Variants in TNFRSF8 observed in about 807,000 individuals in gnomAD.
The protein encoded by TNFRSF8 is tumor necrosis factor receptor superfamily member 8.
Under a neutral mutation model 70.8 loss-of-function variants are expected in TNFRSF8, and 26 were observed. That is an observed-to-expected ratio of 0.37 (90% confidence interval 0.27 to 0.51). TNFRSF8 has a LOEUF of 0.51. TNFRSF8 is among the 20% of genes least tolerant of loss of function. The pLI is 0.94. For synonymous variants in TNFRSF8, 356 were observed against 339.2 expected (o/e 1.05, Z -0.54); for missense variants, 720 against 807.9 (o/e 0.89, Z 1.32).
At chr1:12,072,338 T>C (rs938567415) in intron 1 of TNFRSF8, among the ~76,000 whole-genome samples, 3 of 151,868 alleles carry the variant, frequency 2.0e-5, no homozygotes, top group Non-Finnish European at 4.4e-5. Flanking sequence ...GGGGGCAGTG[T>C]GGGAAGGGGA....
At chr1:12,098,007 A>G (rs1641359885) in intron 3 of TNFRSF8, among the ~76,000 whole-genome samples, 1 of 152,108 alleles carries the variant, frequency 6.6e-6, no homozygotes, top group Admixed American at 6.5e-5. Context: ...TTGTTCATCT[A>G]TTAGATTTTC....
At chr1:12,074,370 C>G (rs1640901138) in intron 1 of TNFRSF8, among the ~76,000 whole-genome samples, 1 of 151,958 alleles carries the variant, frequency 6.6e-6, no homozygotes, top group Non-Finnish European at 1.5e-5. Context: ...ACCTCCGCCT[C>G]CCGGCTTCAA....
At chr1:12,096,987 CG>C in intron 2 of TNFRSF8, 113 bp from the exon 3 acceptor site, 2 of 731,068 alleles carry the variant, frequency 2.7e-6, no homozygotes, top group Non-Finnish European at 4.7e-6. Flanking sequence ...TGACAGTTTT[CG>C]GGGGTTGGAG....
intron 3 of TNFRSF8, among the ~76,000 whole-genome samples, chr1:12,097,685 C>T (rs1641352771): frequency 6.7e-6 from 1 of 148,718 alleles, no homozygotes; most frequent in Non-Finnish European, 1.5e-5. Flanking sequence ...TTGTTAGTCT[C>T]TTATTATGGT....
intron 10 of TNFRSF8, 73 bp downstream of exon 10, chr1:12,123,900 C>T: frequency 7.6e-7 from 1 of 1,308,798 alleles, no homozygotes; most frequent in Non-Finnish European, 1.1e-6. Context: ...TTGGGGGAGC[C>T]AGGAGGGAGC....
In TNFRSF8 at chr1:12,123,817, T is replaced by C. The variant is rs1641880247; in HGVS notation, c.1143T>C (p.Val381=). 6.4e-7 allele frequency: 1 copy of C among 1,566,362 alleles called. No homozygotes were observed. Among genetic ancestry groups the C allele is most frequent in the Non-Finnish European group, 8.7e-7 (1 of 1,154,942 alleles). The part of the protein sequence containing the change: ...PVALSSTGKP[V]LDAGPVLFWV... ...CTCTCTCCTCCACGGGGAAGCCCGT[T>C]CTGGATGCAGGTAATGGTCCCAGCC... Residue 381 remains valine, a synonymous_variant, in exon 10 of 15, where the codon GTT becomes GTC. Coordinates refer to ENST00000263932, the MANE Select transcript of TNFRSF8 (RefSeq NM_001243.5).
At chr1:12,111,506 G>C (rs933029387) in intron 6 of TNFRSF8, among the ~76,000 whole-genome samples, 12 of 152,072 alleles carry the variant, frequency 7.9e-5, no homozygotes, top group African/African-American at 2.2e-4. Context: ...AAAGAGGGAG[G>C]CAGGAGGCAC....
Position 12,097,159 on chromosome 1 carries a change from G to A in TNFRSF8, c.210G>A (p.Glu70=). ...QRPTDCRKQC[E]PDYYLDEADR... is the part of the protein sequence containing the mutation. ...CTACTGACTGCAGGAAGCAGTGTGA[G>A]CCTGACTACTACCTGGATGAGGCCG... is the stretch of plus-strand genomic sequence containing the variant. Residue 70 remains glutamate (E), a synonymous_variant, in exon 3 of 15, where the codon GAG becomes GAA. Coordinates refer to ENST00000263932, the MANE Select transcript of TNFRSF8 (RefSeq NM_001243.5). The A allele has an allele frequency of 6.2e-7, 1 of 1,614,140 alleles. No individual in the cohort carries two copies. Among genetic ancestry groups the A allele is most frequent in the African/African-American group, 1.3e-5 (1 of 75,044 alleles).
chr1:12,124,548 A>G (rs978095944), intron 10 of TNFRSF8, among the ~76,000 whole-genome samples: 37 of 152,070 alleles, frequency 2.4e-4, no homozygotes, highest in Admixed American at 3.3e-4. Context: ...CTTAGGCTGG[A>G]CGCGGTGGCT....
chr1:12,142,565 G>A lies in TNFRSF8; in HGVS notation c.*34G>A, dbSNP rs552978404. The A allele has an allele frequency of 1.3e-6, 2 of 1,547,250 alleles. No homozygotes were observed. The highest frequency in any genetic ancestry group is 2.0e-5 in the Admixed American group (1 of 50,896). ...CTGGGCTGGGGCTAGGAGGGCAGCAGGGTGGCCTCTGGGAGGCCAGGATGG... is the reference window on the plus strand; with the variant it reads ...CTGGGCTGGGGCTAGGAGGGCAGCAAGGTGGCCTCTGGGAGGCCAGGATGG... On this transcript the variant is annotated 3_prime_UTR_variant, in exon 15 of 15. Coordinates refer to ENST00000263932, the MANE Select transcript of TNFRSF8 (RefSeq NM_001243.5). The surrounding 1 kb of genome is among the most constrained non-coding windows in gnomAD (Gnocchi z 5.0).
chr1:12,116,236 C>G (rs1641727421), intron 8 of TNFRSF8, among the ~76,000 whole-genome samples: 2 of 152,036 alleles, frequency 1.3e-5, no homozygotes, highest in African/African-American at 4.8e-5. Flanking sequence ...CCACCTTGGC[C>G]TCTCAAAGTG....
At chr1:12,070,363 G>A (rs1294021265) in intron 1 of TNFRSF8, among the ~76,000 whole-genome samples, 14 of 152,014 alleles carry the variant, frequency 9.2e-5, no homozygotes, top group Non-Finnish European at 1.6e-4. Flanking sequence ...CCATTCTCTC[G>A]CCTTAGCCTC....
At chr1:12,128,368 G>T (rs1641980173) in intron 12 of TNFRSF8, among the ~76,000 whole-genome samples, 1 of 152,212 alleles carries the variant, frequency 6.6e-6, no homozygotes, top group African/African-American at 2.4e-5. Flanking sequence ...GCACATCAGG[G>T]ATCTGTGGTC....
intron 12 of TNFRSF8, among the ~76,000 whole-genome samples, chr1:12,126,901 G>A (rs776780077): frequency 2.8e-4 from 43 of 152,204 alleles, no homozygotes; most frequent in Admixed American, 4.6e-4. Flanking sequence ...CTATTGACAG[G>A]CTGGCCTGTG....
At chr1:12,095,967 C>T (rs1446006806) in intron 2 of TNFRSF8, among the ~76,000 whole-genome samples, 3 of 152,230 alleles carry the variant, frequency 2.0e-5, no homozygotes, top group African/African-American at 4.8e-5. Context: ...GCTGTGATGA[C>T]CTGGGCAGCT....
At chr1:12,096,501 C>G (rs190028968) in intron 2 of TNFRSF8, among the ~76,000 whole-genome samples, 1 of 151,730 alleles carries the variant, frequency 6.6e-6, no homozygotes, top group African/African-American at 2.4e-5. Context: ...TGCGTTGGGC[C>G]TCATTCAGAG....
In TNFRSF8 at chr1:12,063,972, C is replaced by G. The variant is rs1405532929; in HGVS notation, c.63+311C>G. Among the ~76,000 whole-genome samples, 1 of 152,212 alleles carries G rather than the reference C, an allele frequency of 6.6e-6. No homozygotes were observed. The highest frequency in any genetic ancestry group is 1.5e-5 in the Non-Finnish European group (1 of 68,024). On this transcript the variant is annotated intron_variant, in intron 1 of 14. Coordinates refer to ENST00000263932, the MANE Select transcript of TNFRSF8 (RefSeq NM_001243.5). This position sits in a 1 kb window ranked among gnomAD's most constrained non-coding sequence, Gnocchi z 7.2. ...CTCTTTAGCCCGCCTACCTGCGGGC[C>G]CGTCGGGGTCCTGGGCAGATCAGGT...
rs1641875987 is a variant in TNFRSF8 at position 12,123,698 on chromosome 1, T to C, written c.1041-17T>C. ...CTTCCCATCTTCATCACTCCTGCCT[T>C]GGGCTTCTCCCCGCAGCACCAGCCC... On this transcript the variant is annotated splice_polypyrimidine_tract_variant and intron_variant, in intron 9 of 14. Transcript: ENST00000263932. 1.3e-6 allele frequency: 2 copies of C among 1,547,032 alleles called. No individual in the cohort carries two copies. The highest frequency in any genetic ancestry group is 1.8e-6 in the Non-Finnish European group (2 of 1,142,012).
chr1:12,091,181 T>C (rs1390001808), intron 2 of TNFRSF8, among the ~76,000 whole-genome samples: 1 of 152,174 alleles, frequency 6.6e-6, no homozygotes, highest in Non-Finnish European at 1.5e-5. Context: ...CTGTCTGTCG[T>C]AGTTTGTTAT....
Sources: gnomAD v4.1 joint callset for allele counts (sites outside exome capture counted in the v4.1 genomes callset) on GRCh38, gnomAD v4.1.1 for gene constraint, Gnocchi (gnomAD v3.1) non-coding constraint, MANE v1.5 for transcripts, NCBI Gene and HGNC (gene_info 2026-07-23, HGNC 2026-07-21) for gene names.